Variants in PGAP4 observed in about 807,000 individuals in gnomAD.
PGAP4 encodes GPI-N-acetylgalactosamine transferase PGAP4.
A neutral mutation model predicts 28.2 loss-of-function variants in PGAP4; 12 were observed. The observed-to-expected ratio is 0.42, with a 90% confidence interval of 0.27 to 0.69. The LOEUF (loss-of-function observed/expected upper bound fraction) is 0.69, where lower values mean the gene tolerates loss of function less well. Ranked by LOEUF, PGAP4 falls within the 30% of genes least tolerant of loss-of-function variation. PGAP4 has a pLI of 0.22. For synonymous variants in PGAP4, 205 were observed against 211.8 expected, an observed-to-expected ratio of 0.97 and a Z score of 0.28; for missense variants, 425 against 513.5, an observed-to-expected ratio of 0.83 and a Z score of 1.67.
At chr9:101,493,991 A>G (rs1360100748) in intron 2 of PGAP4, among the ~76,000 whole-genome samples, 1 of 152,038 alleles carries the variant, frequency 6.6e-6, no homozygotes, top group Non-Finnish European at 1.5e-5. Flanking sequence ...TTTTTTAAAG[A>G]AATATAATTT....
rs1036585287 is a variant in PGAP4 at position 101,501,460 on chromosome 9, T to C, written c.-164-12260A>G. On this transcript the variant is annotated intron_variant, in intron 2 of 3. Transcript: ENST00000374851. ...TTCCAGACTCCAGTTTTCTATCAAG[T>C]TGGATAATAACTTTTTTTTTCAAGT... Among the ~76,000 whole-genome samples the C allele has an allele frequency of 2.0e-5, 3 of 152,046 alleles. No homozygotes were observed. In the South Asian group the frequency reaches 6.2e-4, roughly 32 times the overall value.
In PGAP4 at chr9:101,529,507, T is replaced by C. The variant is rs184738118; in HGVS notation, c.-165+1841A>G. ...AACTAAATGGGGCTCCTCTGACAATTTGTGACTACCAATTAGCTCTCACGT... is the reference window on the plus strand; with the variant it reads ...AACTAAATGGGGCTCCTCTGACAATCTGTGACTACCAATTAGCTCTCACGT... On this transcript the variant is annotated intron_variant, in intron 2 of 3. Transcript: ENST00000374851. Among the ~76,000 whole-genome samples, 6 of 152,290 alleles carry C rather than the reference T, an allele frequency of 3.9e-5. No homozygotes were observed. The East Asian group carries it at 1.2e-3, about 29-fold the overall frequency.
At position 101,477,033 on chromosome 9, in the gene PGAP4, C is replaced by G; in HGVS notation, c.60G>C (p.Trp20Cys). 6.2e-7 allele frequency: 1 copy of G among 1,612,030 alleles called. No homozygotes were observed. Among genetic ancestry groups the G allele is most frequent in the East Asian group, 2.2e-5 (1 of 44,858 alleles). ...MLLRRLRRLS[W>C]GSTAVQLFIL... ...TGAAGAGCTGGACAGCAGTGCTGCC[C>G]CAGGAGAGTCGCCGCAGCCTCCGGA... The change falls in exon 2 of 2, where the codon TGG becomes TGC. Residue 20 changes from tryptophan (W) to cysteine (C), a missense_variant. By Grantham distance (215) the Trp-to-Cys change is radical. Coordinates refer to ENST00000374848, the MANE Select transcript of PGAP4 (RefSeq NM_032342.3).
intron 1 of PGAP4, among the ~76,000 whole-genome samples, chr9:101,482,472 T>A (rs1242950457): frequency 6.6e-6 from 1 of 152,208 alleles, no homozygotes; most frequent in Admixed American, 6.5e-5. Flanking sequence ...GATAGCCCTT[T>A]GTCAGGCATA....
chr9:101,528,080 G>C (rs868025292), intron 2 of PGAP4, among the ~76,000 whole-genome samples: 1 of 152,154 alleles, frequency 6.6e-6, no homozygotes, highest in Non-Finnish European at 1.5e-5. Flanking sequence ...GTCAGGAAAA[G>C]ATTTATTGCA....
rs1246032765 is a variant in PGAP4, at chr9:101,522,370, A to G, written c.-165+8978T>C. ...TGTTTCATTTCTTAGGTCTATTAGT[A>G]ATTGTTTTATAAATTTGGAAGCTCC... On this transcript the variant is annotated intron_variant, in intron 2 of 3. Coordinates refer to the PGAP4 transcript ENST00000374851. Among the ~76,000 whole-genome samples, 5 of 152,086 alleles carry G rather than the reference A, an allele frequency of 3.3e-5. No individual in the cohort carries two copies. In the East Asian group the frequency reaches 7.7e-4, roughly 23 times the overall value.
chr9:101,485,489 T>C (rs934425502), intron 1 of PGAP4, among the ~76,000 whole-genome samples: 5 of 152,144 alleles, frequency 3.3e-5, no homozygotes, highest in Non-Finnish European at 7.4e-5. Flanking sequence ...ACTACTTCAA[T>C]GTGTAATACA....
In PGAP4 at chr9:101,529,273, A is replaced by G. The variant is rs563807623; in HGVS notation, c.-165+2075T>C. ...TGGGTTCAAGTGATTCTCCTGCCTCAGCCTCCCGAGTAGCTGGAATTACAG... is the reference window on the plus strand; with the variant it reads ...TGGGTTCAAGTGATTCTCCTGCCTCGGCCTCCCGAGTAGCTGGAATTACAG... On this transcript the variant is annotated intron_variant, in intron 2 of 3. Transcript: ENST00000374851. Among the ~76,000 whole-genome samples the G allele has an allele frequency of 4.4e-4, 66 of 150,086 alleles. 1 individual carries two copies. Among genetic ancestry groups the G allele is most frequent in the African/African-American group, 1.5e-3 (62 of 40,694 alleles).
chr9:101,475,723 A>G lies in PGAP4; in HGVS notation c.*158T>C. Reference sequence around the variant, plus strand: ...CTCCTGCCAGGAGGCTACCAAAGCCAAGGCTCTTAACATATTGAGGTTCCT... The same window carrying G: ...CTCCTGCCAGGAGGCTACCAAAGCCGAGGCTCTTAACATATTGAGGTTCCT... On this transcript the variant is annotated 3_prime_UTR_variant, in exon 2 of 2. Coordinates refer to ENST00000374848, the MANE Select transcript of PGAP4 (RefSeq NM_032342.3). The G allele has an allele frequency of 1.3e-6, 1 of 797,124 alleles. No individual in the cohort carries two copies. The highest frequency in any genetic ancestry group is 2.0e-6 in the Non-Finnish European group (1 of 509,004). 49.4% of individuals were successfully genotyped at this position (797,124 alleles called of 1,614,324 possible).
intron 2 of PGAP4, among the ~76,000 whole-genome samples, chr9:101,514,663 T>G (rs1826928348): frequency 6.6e-6 from 1 of 152,118 alleles, no homozygotes. Flanking sequence ...GCTTTTCTTT[T>G]GCAAGTAGAG....
chr9:101,523,108 T>C (rs374175594), intron 2 of PGAP4, among the ~76,000 whole-genome samples: 64 of 152,326 alleles, frequency 4.2e-4, no homozygotes, highest in African/African-American at 1.4e-3. Context: ...GTTAATCTGA[T>C]AGGTTGTCCT....
At chr9:101,522,853 T>G (rs1826999869) in intron 2 of PGAP4, among the ~76,000 whole-genome samples, 1 of 152,226 alleles carries the variant, frequency 6.6e-6, no homozygotes, top group Non-Finnish European at 1.5e-5. Context: ...AGTTCTGTTT[T>G]GTTGTGTTTC....
In PGAP4 at chr9:101,476,322, T is replaced by C; in HGVS notation, c.771A>G (p.Pro257=). The C allele has an allele frequency of 2.5e-6, 4 of 1,614,032 alleles. No individual in the cohort carries two copies. The highest frequency in any genetic ancestry group is 1.6e-4 in the Middle Eastern group (1 of 6,062). ...HPERLQHYIN[P]EPMRILEWVG... is the part of the protein sequence containing the mutation. ...CCCATTCCAGGATCCGCATGGGCTCTGGATTGATGTAGTGCTGGAGCCTCT... is the reference window on the plus strand; with the variant it reads ...CCCATTCCAGGATCCGCATGGGCTCCGGATTGATGTAGTGCTGGAGCCTCT... Residue 257 remains proline, a synonymous_variant, in exon 2 of 2, where the codon CCA becomes CCG. Coordinates refer to ENST00000374848, the MANE Select transcript of PGAP4 (RefSeq NM_032342.3). The surrounding 1 kb of genome is among the most constrained non-coding windows in gnomAD (Gnocchi z 7.0).
chr9:101,524,775 G>A (rs1827019640), intron 2 of PGAP4, among the ~76,000 whole-genome samples: 1 of 152,192 alleles, frequency 6.6e-6, no homozygotes, highest in South Asian at 2.1e-4. Context: ...GGAGAAGAGG[G>A]CCTCCCTTTC....
At position 101,476,072 on chromosome 9, in the gene PGAP4, C is replaced by A; in HGVS notation, c.1021G>T (p.Ala341Ser). 1 of 1,614,126 alleles carries A rather than the reference C, an allele frequency of 6.2e-7. No homozygotes were observed. The change falls in exon 2 of 2, where the codon GCA (alanine) becomes TCA (serine). Residue 341 changes from alanine to serine, a missense_variant. Physicochemically the swap from Ala to Ser is moderately conservative, Grantham distance 99 (BLOSUM62 1). Coordinates refer to ENST00000374848, the MANE Select transcript of PGAP4 (RefSeq NM_032342.3). The surrounding 1 kb of genome is among the most constrained non-coding windows in gnomAD (Gnocchi z 7.0). The stretch of plus-strand genomic sequence containing the variant: ...GTGAGGGTCCGGCGGGCCGCAGGTG[C>A]CGGGAAGAGCATGGCTGGGGTGCAA... ...QCCTPAMLFPAPAARRTLTYL... is the reference protein window; with the variant it reads ...QCCTPAMLFPSPAARRTLTYL...
At position 101,526,488 on chromosome 9, in the gene PGAP4, C is replaced by T. The variant is rs553826190; in HGVS notation, c.-165+4860G>A. 7.2e-5 allele frequency among the ~76,000 whole-genome samples: 11 copies of T among 152,230 alleles called. No homozygotes were observed. The South Asian group carries it at 1.0e-3, about 14-fold the overall frequency. ...TTTTTGGGATGGCGTCTGACTCTCT[C>T]GCCCAGGCTGGAGAGCAGTGGCATG... On this transcript the variant is annotated intron_variant, in intron 2 of 3. Coordinates refer to the PGAP4 transcript ENST00000374851.
At chr9:101,529,867 G>GT (rs1464134798) in intron 2 of PGAP4, among the ~76,000 whole-genome samples, 1 of 152,234 alleles carries the variant, frequency 6.6e-6, no homozygotes, top group Non-Finnish European at 1.5e-5. Context: ...AATTACAAAA[G>GT]TAAGAACTTG....
At chr9:101,533,545 T>C (rs1005254167), upstream of PGAP4, 6 of 152,230 alleles carry the variant, frequency 3.9e-5, no homozygotes, top group Non-Finnish European at 7.3e-5. Flanking sequence ...GCAACCCCAA[T>C]GACAAGCAAC....
At chr9:101,503,105 G>A (rs929182709) in intron 2 of PGAP4, among the ~76,000 whole-genome samples, 6 of 152,058 alleles carry the variant, frequency 3.9e-5, no homozygotes, top group Admixed American at 3.3e-4. Flanking sequence ...GGGTTGGGGT[G>A]TGAATGAGAT....
Sources: gnomAD v4.1 joint callset for allele counts (sites outside exome capture counted in the v4.1 genomes callset) on GRCh38, gnomAD v4.1.1 for gene constraint, Gnocchi (gnomAD v3.1) non-coding constraint, MANE v1.5 for transcripts, NCBI Gene and HGNC (gene_info 2026-07-23, HGNC 2026-07-21) for gene names.